Variants in SLC35F3 observed in about 807,000 individuals in gnomAD.
The protein encoded by SLC35F3 is putative thiamine transporter SLC35F3.
Under a neutral mutation model 49.9 loss-of-function variants are expected in SLC35F3, and 25 were observed. The ratio of observed to expected loss-of-function variants is 0.50; its 90% CI spans 0.37 to 0.70. The LOEUF is 0.70. Ranked by LOEUF, SLC35F3 falls within the 30% of genes least tolerant of loss-of-function variation. The pLI, the probability that SLC35F3 is intolerant of heterozygous loss-of-function variation, is 0.00. For missense variants in SLC35F3, 525 were observed against 639.8 expected (o/e 0.82, Z 1.94); for synonymous variants, 275 against 265.4 (o/e 1.04, Z -0.35).
chr1:234,043,791 C>A (rs1328049922), intron 2 of SLC35F3, among the ~76,000 whole-genome samples: 2 of 152,160 alleles, frequency 1.3e-5, no homozygotes, highest in Non-Finnish European at 2.9e-5. Context: ...TTATTCTATA[C>A]ATAGCATTAT....
chr1:234,230,923 C>T (rs1472119784), intron 2 of SLC35F3, among the ~76,000 whole-genome samples: 1 of 152,180 alleles, frequency 6.6e-6, no homozygotes, highest in Non-Finnish European at 1.5e-5. Flanking sequence ...GGTACTGGGA[C>T]CTTTTAGAGG....
At chr1:233,910,458 A>G (rs1416567116) in intron 2 of SLC35F3, among the ~76,000 whole-genome samples, 3 of 152,352 alleles carry the variant, frequency 2.0e-5, no homozygotes, top group East Asian at 1.9e-4. Flanking sequence ...TCATTTATTC[A>G]TTTAAAAAAC....
intron 2 of SLC35F3, among the ~76,000 whole-genome samples, chr1:234,119,458 A>C (rs1327109036): frequency 1.3e-5 from 2 of 152,154 alleles, no homozygotes; most frequent in Admixed American, 6.5e-5. Flanking sequence ...AAAAAGTTTA[A>C]AATAGCATGA....
chr1:234,265,219 A>G (rs997009752), intron 3 of SLC35F3, among the ~76,000 whole-genome samples: 4 of 152,282 alleles, frequency 2.6e-5, no homozygotes, highest in Middle Eastern at 3.4e-3. Context: ...GTGAAAAATC[A>G]AACCCTTCAT....
At chr1:234,182,400 C>A (rs1176675668) in intron 2 of SLC35F3, among the ~76,000 whole-genome samples, 2 of 152,190 alleles carry the variant, frequency 1.3e-5, no homozygotes. Flanking sequence ...AGCCCTGTGT[C>A]TTTCAGTAAG....
At chr1:234,209,904 T>G (rs1667025293) in intron 2 of SLC35F3, among the ~76,000 whole-genome samples, 1 of 152,216 alleles carries the variant, frequency 6.6e-6, no homozygotes, top group South Asian at 2.1e-4. Flanking sequence ...TACACAACAT[T>G]GCATTAAACA....
At chr1:233,969,275 G>A (rs961803752) in intron 2 of SLC35F3, among the ~76,000 whole-genome samples, 1 of 152,220 alleles carries the variant, frequency 6.6e-6, no homozygotes, top group Non-Finnish European at 1.5e-5. Flanking sequence ...TATAGGAATG[G>A]CTGATTTTCA....
At chr1:234,135,551 C>T (rs1665798137) in intron 2 of SLC35F3, among the ~76,000 whole-genome samples, 1 of 152,116 alleles carries the variant, frequency 6.6e-6, no homozygotes, top group South Asian at 2.1e-4. Context: ...TTTGTTACAG[C>T]AACAGGATAC....
In SLC35F3 at chr1:234,323,235, GC is replaced by G; in HGVS notation, c.1468del (p.Arg490AlafsTer60). 6.2e-7 allele frequency: 1 copy of G among 1,613,372 alleles called. No homozygotes were observed. Among genetic ancestry groups the G allele is most frequent in the Non-Finnish European group, 8.5e-7 (1 of 1,179,734 alleles). On this transcript the variant is annotated frameshift_variant, in exon 8 of 8. Coordinates refer to ENST00000366618, the MANE Select transcript of SLC35F3 (RefSeq NM_173508.4). LOFTEE classifies it high-confidence loss of function. This position sits in a 1 kb window ranked among gnomAD's most constrained non-coding sequence, Gnocchi z 4.5. ...SKNRRARPSF[A>X]R ...GAACAGAAGAGCCCGCCCTTCCTTC[GC>G]CCGCTAACACCACTCCTCTAGAACT...
intron 2 of SLC35F3, among the ~76,000 whole-genome samples, chr1:234,148,796 A>T (rs867606629): frequency 2.7e-4 from 41 of 152,146 alleles, no homozygotes; most frequent in African/African-American, 9.4e-4. Flanking sequence ...GATTAAAGAT[A>T]TTGCTTGGAG....
chr1:234,108,409 G>C (rs1324873100), intron 2 of SLC35F3, among the ~76,000 whole-genome samples: 1 of 80,620 alleles, frequency 1.2e-5, no homozygotes, highest in African/African-American at 4.1e-5. Context: ...TTATATATAT[G>C]ATATATATTA....
chr1:234,101,200 C>G (rs117897616), intron 2 of SLC35F3, among the ~76,000 whole-genome samples: 1 of 152,080 alleles, frequency 6.6e-6, no homozygotes, highest in African/African-American at 2.4e-5. Context: ...TCAGCACTCA[C>G]GGCAGTCAAT....
intron 2 of SLC35F3, among the ~76,000 whole-genome samples, chr1:234,038,570 A>C (rs368263869): frequency 1.3e-5 from 2 of 152,210 alleles, no homozygotes; most frequent in Admixed American, 6.5e-5. Context: ...ACTAGTTTAC[A>C]GTCCCACCAA....
chr1:234,099,797 C>G (rs1354901566), intron 2 of SLC35F3, among the ~76,000 whole-genome samples: 2 of 152,046 alleles, frequency 1.3e-5, no homozygotes, highest in African/African-American at 4.8e-5. Context: ...ACTGAAGGAT[C>G]TAGTGGAGAA....
chr1:234,009,514 G>A (rs777557884), intron 2 of SLC35F3, among the ~76,000 whole-genome samples: 3 of 152,034 alleles, frequency 2.0e-5, no homozygotes, highest in Non-Finnish European at 2.9e-5. Flanking sequence ...TTTGAATCAG[G>A]GCAAATAAAT....
At chr1:234,162,237 G>A (rs1666238457) in intron 2 of SLC35F3, among the ~76,000 whole-genome samples, 1 of 151,882 alleles carries the variant, frequency 6.6e-6, no homozygotes, top group East Asian at 1.9e-4. Context: ...CATGGAGTGT[G>A]GGAAGTCTGT....
intron 2 of SLC35F3, among the ~76,000 whole-genome samples, chr1:234,201,958 A>G (rs1666907024): frequency 6.6e-6 from 1 of 151,968 alleles, no homozygotes; most frequent in Non-Finnish European, 1.5e-5. Flanking sequence ...GTGCAAATGC[A>G]AAAGCAAAGA....
At chr1:234,098,793 C>T (rs961382108) in intron 2 of SLC35F3, among the ~76,000 whole-genome samples, 84 of 104,894 alleles carry the variant, frequency 8.0e-4, no homozygotes, top group South Asian at 5.8e-3. Flanking sequence ...GTTCAGATGG[C>T]GGTGGTAGTG....
At chr1:233,956,613 G>A (rs894409953) in intron 2 of SLC35F3, among the ~76,000 whole-genome samples, 1 of 152,250 alleles carries the variant, frequency 6.6e-6, no homozygotes, top group African/African-American at 2.4e-5. Context: ...AAGAGAGGCA[G>A]AGCAGAGGGA....
Sources: gnomAD v4.1 joint callset for allele counts (sites outside exome capture counted in the v4.1 genomes callset) on GRCh38, gnomAD v4.1.1 for gene constraint, Gnocchi (gnomAD v3.1) non-coding constraint, MANE v1.5 for transcripts, NCBI Gene and HGNC (gene_info 2026-07-23, HGNC 2026-07-21) for gene names.